Variants in ELF1 observed in about 807,000 individuals in gnomAD.
The protein encoded by ELF1 is E74 like ETS transcription factor 1.
Under a neutral mutation model 59.9 loss-of-function variants are expected in ELF1, and 24 were observed. That is an observed-to-expected ratio of 0.40 (90% confidence interval 0.29 to 0.56). ELF1 has a LOEUF of 0.56. ELF1 is among the 20% of genes least tolerant of loss of function. The pLI is 0.44. For missense variants in ELF1, 627 were observed against 742.2 expected (o/e 0.84, Z 1.80); for synonymous variants, 248 against 266.2 (o/e 0.93, Z 0.67).
intron 1 of ELF1, among the ~76,000 whole-genome samples, chr13:41,026,715 G>A (rs1875943816): frequency 6.6e-6 from 1 of 152,134 alleles, no homozygotes; most frequent in African/African-American, 2.4e-5. Flanking sequence ...CTTGGAAGTG[G>A]GTGTTACCTG....
At chr13:41,061,357 C>T (rs1238727600) in exon 1 of ELF1, 3 of 480,436 alleles carry the variant, frequency 6.2e-6, no homozygotes, top group Non-Finnish European at 7.5e-6. Context: ...GAGATCCCGT[C>T]CTTCAGCTCA....
chr13:41,018,260 A>C (rs1008460314), intron 1 of ELF1, among the ~76,000 whole-genome samples: 2 of 152,218 alleles, frequency 1.3e-5, no homozygotes, highest in African/African-American at 4.8e-5. Flanking sequence ...CTAGAACTTT[A>C]AGGCACAGTA....
chr13:40,955,415 G>A (rs1361514460), intron 3 of ELF1, among the ~76,000 whole-genome samples: 8 of 140,016 alleles, frequency 5.7e-5, no homozygotes, highest in African/African-American at 2.1e-4. Context: ...CATCCGGGAA[G>A]GAGGTGGGGG....
At chr13:40,979,122 T>C (rs1873102035) in intron 2 of ELF1, among the ~76,000 whole-genome samples, 1 of 151,914 alleles carries the variant, frequency 6.6e-6, no homozygotes, top group Non-Finnish European at 1.5e-5. Flanking sequence ...AACACAGCCT[T>C]TTAAAAGAAT....
intron 1 of ELF1, among the ~76,000 whole-genome samples, chr13:41,029,212 T>C (rs1876068281): frequency 6.6e-6 from 1 of 152,164 alleles, no homozygotes; most frequent in African/African-American, 2.4e-5. Flanking sequence ...TATTCGGAGA[T>C]TAAATATGGT....
chr13:41,052,563 T>G (rs1877128452), intron 1 of ELF1, among the ~76,000 whole-genome samples: 1 of 152,114 alleles, frequency 6.6e-6, no homozygotes. Context: ...GAAAGTTACC[T>G]TCCTTGGCCA....
rs1038849308 is a variant in ELF1, at chr13:41,042,310, T to C, written c.-229+18528A>G. On this transcript the variant is annotated intron_variant, in intron 1 of 1. Coordinates refer to the ELF1 transcript ENST00000405737. ...GTTACAGCTTTTTCTTTTTCTTTTTTTTTTTATTATTATTATACTTTAAGT... is the reference window on the plus strand; with the variant it reads ...GTTACAGCTTTTTCTTTTTCTTTTTCTTTTTATTATTATTATACTTTAAGT... Among the ~76,000 whole-genome samples the C allele has an allele frequency of 4.6e-5, 7 of 151,820 alleles. No individual in the cohort carries two copies. In the East Asian group the frequency reaches 9.7e-4, roughly 21 times the overall value.
chr13:41,037,243 T>C (rs180824750), intron 1 of ELF1, among the ~76,000 whole-genome samples: 2 of 152,212 alleles, frequency 1.3e-5, no homozygotes, highest in African/African-American at 4.8e-5. Flanking sequence ...CAAGTTTCTA[T>C]CTCCAAGTCT....
intron 2 of ELF1, among the ~76,000 whole-genome samples, chr13:40,971,239 C>T (rs1040262621): frequency 2.0e-4 from 30 of 152,100 alleles, no homozygotes; most frequent in African/African-American, 6.8e-4. Context: ...ATTAGACCTA[C>T]AGCTGAAACA....
chr13:40,996,459 T>C (rs987594857), intron 1 of ELF1, among the ~76,000 whole-genome samples: 1 of 152,222 alleles, frequency 6.6e-6, no homozygotes, highest in Non-Finnish European at 1.5e-5. Context: ...TAATGAAATA[T>C]TATTCAGCAC....
chr13:40,943,953 A>G, intron 5 of ELF1, 28 bp from the exon 6 acceptor site: 2 of 1,602,466 alleles, frequency 1.2e-6, no homozygotes. Context: ...CTGCATAAAT[A>G]TTTGCCTTCA....
chr13:41,014,426 C>G (rs926046434), intron 1 of ELF1, among the ~76,000 whole-genome samples: 57 of 152,282 alleles, frequency 3.7e-4, no homozygotes, highest in African/African-American at 1.4e-3. Context: ...TTCTCCCTCT[C>G]TGTCAACAAA....
At chr13:41,025,807 G>A (rs1184753065) in intron 1 of ELF1, among the ~76,000 whole-genome samples, 1 of 152,182 alleles carries the variant, frequency 6.6e-6, no homozygotes, top group Non-Finnish European at 1.5e-5. Context: ...GCTTAACCAA[G>A]TGGTGACTCC....
intron 1 of ELF1, among the ~76,000 whole-genome samples, chr13:41,006,732 C>T (rs992495592): frequency 3.6e-4 from 55 of 152,166 alleles, no homozygotes; most frequent in African/African-American, 1.3e-3. Context: ...ATAATTTACA[C>T]AATATACCTT....
At chr13:40,992,531 G>A (rs1464999182) in intron 1 of ELF1, among the ~76,000 whole-genome samples, 1 of 152,196 alleles carries the variant, frequency 6.6e-6, no homozygotes, top group Non-Finnish European at 1.5e-5. Context: ...GATTTAATAT[G>A]AGAAATAATG....
chr13:41,039,335 T>A (rs1421549120), intron 1 of ELF1, among the ~76,000 whole-genome samples: 135 of 141,868 alleles, frequency 9.5e-4, no homozygotes, highest in African/African-American at 2.8e-3. Flanking sequence ...AGTCCTTTTT[T>A]TAAAAAAAAA....
chr13:41,051,468 T>C (rs1342790008), intron 1 of ELF1, among the ~76,000 whole-genome samples: 2 of 152,058 alleles, frequency 1.3e-5, no homozygotes, highest in Non-Finnish European at 2.9e-5. Flanking sequence ...ACACAGACGT[T>C]TGAACAGCTG....
chr13:40,978,101 C>T lies in ELF1; in HGVS notation c.72+3882G>A, dbSNP rs9566641. On this transcript the variant is annotated intron_variant, in intron 2 of 8. Coordinates refer to ENST00000239882, the MANE Select transcript of ELF1 (RefSeq NM_172373.4). ...AAAGATACTAGAAGAAAATGTAGGC[C>T]GGGGGCGGTGGCTCATGCCTGAAAT... Among the ~76,000 whole-genome samples the T allele has an allele frequency of 2.6e-3, 395 of 152,112 alleles. 7 individuals are homozygous for T. In the East Asian group the frequency reaches 0.051, roughly 20 times the overall value.
chr13:41,016,846 G>A (rs1257718773), intron 1 of ELF1, among the ~76,000 whole-genome samples: 5 of 139,744 alleles, frequency 3.6e-5, no homozygotes, highest in African/African-American at 8.1e-5. Flanking sequence ...CCCGGGAGAC[G>A]GAAGTTGCAG....
Sources: gnomAD v4.1 joint callset for allele counts (sites outside exome capture counted in the v4.1 genomes callset) on GRCh38, gnomAD v4.1.1 for gene constraint, MANE v1.5 for transcripts, NCBI Gene and HGNC (gene_info 2026-07-23, HGNC 2026-07-21) for gene names.